Variants in GFRA2 observed in about 807,000 individuals in gnomAD.
The protein encoded by GFRA2 is GDNF family receptor alpha-2.
In GFRA2, 17 loss-of-function variants were observed where a neutral mutation model predicts 48.3. The ratio of observed to expected loss-of-function variants is 0.35; its 90% confidence interval spans 0.24 to 0.53. The LOEUF (loss-of-function observed/expected upper bound fraction) is 0.53. Ranked by LOEUF, GFRA2 falls within the 20% of genes least tolerant of loss-of-function variation. GFRA2 has a pLI of 0.93. For missense variants in GFRA2, 660 were observed against 637.3 expected (o/e 1.04, Z -0.38); for synonymous variants, 305 against 257.2 (o/e 1.19, Z -1.78).
chr8:21,751,269 T>C (rs1456536281), intron 3 of GFRA2, among the ~76,000 whole-genome samples: 2 of 152,274 alleles, frequency 1.3e-5, no homozygotes, highest in East Asian at 3.9e-4. Flanking sequence ...TGTATGGCCC[T>C]GTTTACAAAT....
intron 1 of GFRA2, among the ~76,000 whole-genome samples, chr8:21,807,537 C>T (rs1807895224): frequency 6.6e-6 from 1 of 152,194 alleles, no homozygotes. Flanking sequence ...CAGAAATTTA[C>T]ATATATTCTC....
chr8:21,793,534 C>T (rs796172690), upstream of GFRA2, among the ~76,000 whole-genome samples: 7 of 152,266 alleles, frequency 4.6e-5, no homozygotes, highest in African/African-American at 1.7e-4. Flanking sequence ...AAATTTATGG[C>T]TAGATACAAG....
At chr8:21,793,096 G>A (rs1410494960), upstream of GFRA2, among the ~76,000 whole-genome samples, 1 of 152,082 alleles carries the variant, frequency 6.6e-6, no homozygotes, top group East Asian at 1.9e-4. Flanking sequence ...CTCAGGAAAG[G>A]AACAATCCAG....
intron 5 of GFRA2, 150 bp from the exon 6 acceptor site, chr8:21,705,275 C>G: frequency 1.4e-6 from 1 of 733,184 alleles, no homozygotes; most frequent in Non-Finnish European, 2.2e-6. Context: ...AATCGCACTC[C>G]TAACTCTGAG....
chr8:21,769,171 G>A, intron 3 of GFRA2: 5 of 984,812 alleles, frequency 5.1e-6, no homozygotes, highest in Non-Finnish European at 6.0e-6. Flanking sequence ...AGCAGTGGTT[G>A]ACCGTCTCCG....
intron 4 of GFRA2, among the ~76,000 whole-genome samples, chr8:21,738,590 G>A (rs1479766065): frequency 6.6e-6 from 1 of 152,008 alleles, no homozygotes; most frequent in African/African-American, 2.4e-5. Flanking sequence ...AGACTCCCTG[G>A]CCCAGAGTCC....
intron 6 of GFRA2, among the ~76,000 whole-genome samples, chr8:21,703,309 C>A (rs1242522435): frequency 2.6e-5 from 4 of 152,112 alleles, no homozygotes; most frequent in African/African-American, 9.7e-5. Flanking sequence ...GCCACCTCCT[C>A]TGCATGGTGC....
chr8:21,761,202 T>A (rs565713456), intron 3 of GFRA2, among the ~76,000 whole-genome samples: 1 of 152,192 alleles, frequency 6.6e-6, no homozygotes, highest in African/African-American at 2.4e-5. Context: ...GATCTCCTCA[T>A]GGAGCATCCA....
intron 4 of GFRA2, among the ~76,000 whole-genome samples, chr8:21,729,558 G>A (rs1804075458): frequency 6.6e-6 from 1 of 152,094 alleles, no homozygotes. Flanking sequence ...GAGAAAACTG[G>A]GCTTCACTGT....
rs925269393 is a variant in GFRA2, at chr8:21,691,325, C to T, written c.*1953G>A. 6.6e-6 allele frequency: 1 copy of T among 152,284 alleles called. No individual in the cohort carries two copies. The highest frequency in any genetic ancestry group is 6.5e-5 in the Admixed American group (1 of 15,288). The allele number at this position is 152,284 out of a possible 1,614,324, so 9.4% of individuals were successfully genotyped here. On this transcript the variant is annotated 3_prime_UTR_variant, in exon 9 of 9. Coordinates refer to ENST00000524240, the MANE Select transcript of GFRA2 (RefSeq NM_001495.5). ...ATGCTCACATACATGGACACACACA[C>T]ACTTGGCCAGCAGGCATTCTCCTGG... is the stretch of plus-strand genomic sequence containing the variant.
intron 2 of GFRA2, among the ~76,000 whole-genome samples, chr8:21,775,655 G>A (rs1040392470): frequency 1.3e-5 from 2 of 152,170 alleles, no homozygotes; most frequent in East Asian, 1.9e-4. Context: ...CCCCCATCGT[G>A]TCACCAGGAG....
intron 8 of GFRA2, 50 bp downstream of exon 8, chr8:21,694,414 C>G: frequency 6.5e-7 from 1 of 1,547,204 alleles, no homozygotes; most frequent in Non-Finnish European, 8.8e-7. Context: ...AAATGCCGCC[C>G]CCCACCGGCC....
At chr8:21,785,741 A>C (rs1163301590) in intron 1 of GFRA2, among the ~76,000 whole-genome samples, 1 of 152,016 alleles carries the variant, frequency 6.6e-6, no homozygotes, top group Non-Finnish European at 1.5e-5. Flanking sequence ...TCAGCACTGG[A>C]GGTCAAGATA....
chr8:21,769,078 T>C (rs1198751535), intron 3 of GFRA2: 4 of 643,232 alleles, frequency 6.2e-6, no homozygotes, highest in African/African-American at 6.1e-5. Flanking sequence ...ACATTGCTAC[T>C]GAAAACAAGC....
At chr8:21,728,527 G>A (rs2117482083) in intron 4 of GFRA2, among the ~76,000 whole-genome samples, 1 of 152,088 alleles carries the variant, frequency 6.6e-6, no homozygotes, top group South Asian at 2.1e-4. Context: ...CACCCGCCTT[G>A]GCCTCCCAAA....
intron 3 of GFRA2, among the ~76,000 whole-genome samples, chr8:21,772,683 G>A (rs914897052): frequency 3.9e-5 from 6 of 152,188 alleles, no homozygotes; most frequent in African/African-American, 9.7e-5. Flanking sequence ...CAGAGTTTGC[G>A]TGGGGCCCAG....
chr8:21,748,953 T>C (rs1382910792), intron 4 of GFRA2, among the ~76,000 whole-genome samples: 2 of 152,152 alleles, frequency 1.3e-5, no homozygotes, highest in Non-Finnish European at 2.9e-5. Context: ...CTCCTCCTTG[T>C]TTCCCAAGGC....
intron 4 of GFRA2, among the ~76,000 whole-genome samples, chr8:21,747,320 G>A (rs772024811): frequency 9.9e-5 from 15 of 152,162 alleles, no homozygotes; most frequent in Non-Finnish European, 1.6e-4. Flanking sequence ...CAGGAAGCTC[G>A]GAGCTCAAGT....
At chr8:21,751,696 G>A (rs904691955) in intron 3 of GFRA2, among the ~76,000 whole-genome samples, 3 of 152,198 alleles carry the variant, frequency 2.0e-5, no homozygotes, top group Non-Finnish European at 4.4e-5. Flanking sequence ...AAGGACTTGG[G>A]GTGAGGAGGT....
Sources: gnomAD v4.1 joint callset for allele counts (sites outside exome capture counted in the v4.1 genomes callset) on GRCh38, gnomAD v4.1.1 for gene constraint, MANE v1.5 for transcripts, NCBI Gene and HGNC (gene_info 2026-07-23, HGNC 2026-07-21) for gene names.